MECR: variants seen among roughly 807,000 people sequenced by gnomAD.
MECR encodes the protein mitochondrial trans-2-enoyl-CoA reductase.
A neutral mutation model predicts 49.1 loss-of-function variants in MECR; 37 were observed. The observed-to-expected ratio is 0.75, with a 90% CI of 0.58 to 0.99. The LOEUF (loss-of-function observed/expected upper bound fraction) is 0.99, where lower values mean the gene tolerates loss of function less well. Ranked by LOEUF, MECR falls within the 50% of genes least tolerant of loss-of-function variation. The pLI is 0.00. For missense variants in MECR, 470 were observed against 479.6 expected (o/e 0.98, Z 0.19); for synonymous variants, 198 against 191.1 (o/e 1.04, Z -0.30).
At chr1:29,178,487 G>A in the MECR span, among the ~76,000 whole-genome samples, 2 of 151,856 alleles carry the variant, frequency 1.3e-5, no homozygotes, top group Admixed American at 6.6e-5. Context: ...GGGACTACAG[G>A]TGCCTGCCAC....
rs908609601 is a variant in MECR, at chr1:29,193,456, A to G, written c.*566T>C. The stretch of plus-strand genomic sequence containing the variant: ...TGTCTATGTCTCCAGTTAGAAGGGC[A>G]GTTCCATGAGAGTGAAGACCCCACG... On this transcript the variant is annotated 3_prime_UTR_variant, in exon 10 of 10. Transcript: ENST00000263702. The G allele has an allele frequency of 1.2e-5, 2 of 164,820 alleles. No individual in the cohort carries two copies. The highest frequency in any genetic ancestry group is 4.8e-5 in the African/African-American group (2 of 41,524). The allele number at this position is 164,820 out of a possible 1,614,324, so 10.2% of individuals were successfully genotyped here.
chr1:29,194,649 C>G (rs1159623789), intron 9 of MECR, among the ~76,000 whole-genome samples: 1 of 152,182 alleles, frequency 6.6e-6, no homozygotes, highest in Non-Finnish European at 1.5e-5. Flanking sequence ...CCCTTAGAAC[C>G]CCACGACCGG....
the MECR span, among the ~76,000 whole-genome samples, chr1:29,178,989 T>C: frequency 1.3e-5 from 2 of 152,168 alleles, no homozygotes; most frequent in African/African-American, 4.8e-5. Context: ...TGACTTTCAA[T>C]GACATTTCAT....
the MECR span, chr1:29,171,491 C>G: frequency 6.6e-6 from 1 of 151,144 alleles, no homozygotes; most frequent in South Asian, 2.1e-4. Context: ...CACCTTATCA[C>G]CCCATGCCTC....
chr1:29,230,281 AAAT>A (rs571429793), intron 1 of MECR: 13 of 169,776 alleles, frequency 7.7e-5, no homozygotes, highest in Middle Eastern at 2.9e-3. Flanking sequence ...AACTTCTTCC[AAAT>A]AATAATAATA....
the MECR span, among the ~76,000 whole-genome samples, chr1:29,179,096 G>A: frequency 6.6e-6 from 1 of 151,734 alleles, no homozygotes; most frequent in Admixed American, 6.6e-5. Context: ...TCCTCTTATC[G>A]CTCCATCTTC....
chr1:29,176,766 C>T, the MECR span, among the ~76,000 whole-genome samples: 2 of 151,958 alleles, frequency 1.3e-5, no homozygotes, highest in Non-Finnish European at 1.5e-5. Context: ...TAAACAAGGG[C>T]GAAAACAAAA....
chr1:29,186,048 G>A, the MECR span, among the ~76,000 whole-genome samples: 1 of 152,146 alleles, frequency 6.6e-6, no homozygotes, highest in Non-Finnish European at 1.5e-5. Context: ...CACTAAGCTT[G>A]GTTGTTATAT....
At chr1:29,186,926 T>C in the MECR span, among the ~76,000 whole-genome samples, 117 of 152,336 alleles carry the variant, frequency 7.7e-4, 1 homozygote, top group South Asian at 2.5e-3. Flanking sequence ...CTCAATGACA[T>C]AGGAAATTTC....
the MECR span, among the ~76,000 whole-genome samples, chr1:29,183,953 C>T: frequency 6.7e-6 from 1 of 150,140 alleles, no homozygotes; most frequent in East Asian, 2.0e-4. Flanking sequence ...GATCTCAGCT[C>T]ACTGCAACCT....
chr1:29,194,500 A>G (rs1038204302), intron 9 of MECR, among the ~76,000 whole-genome samples: 1 of 152,166 alleles, frequency 6.6e-6, no homozygotes, highest in Non-Finnish European at 1.5e-5. Flanking sequence ...GGAGCACTGA[A>G]TGGTGGGAGG....
the MECR span, chr1:29,168,801 T>C: frequency 6.6e-6 from 1 of 152,172 alleles, no homozygotes; most frequent in East Asian, 1.9e-4. Flanking sequence ...TGAATGAATA[T>C]TGGCAATATT....
At chr1:29,176,198 G>A in the MECR span, among the ~76,000 whole-genome samples, 1 of 152,138 alleles carries the variant, frequency 6.6e-6, no homozygotes, top group Non-Finnish European at 1.5e-5. Flanking sequence ...GTTGCAGTGA[G>A]CTGAGATTGT....
At chr1:29,204,133 C>A (rs994008613) in intron 4 of MECR, among the ~76,000 whole-genome samples, 1 of 152,024 alleles carries the variant, frequency 6.6e-6, no homozygotes, top group African/African-American at 2.4e-5. Context: ...GCAGGAGAAT[C>A]GCTTGAACCC....
chr1:29,205,094 C>A (rs568330377), intron 4 of MECR, among the ~76,000 whole-genome samples: 1 of 152,328 alleles, frequency 6.6e-6, no homozygotes, highest in East Asian at 1.9e-4. Context: ...GAGGTTAATG[C>A]CCTTAGGGCG....
the MECR span, among the ~76,000 whole-genome samples, chr1:29,182,800 T>A: frequency 6.6e-6 from 1 of 152,206 alleles, no homozygotes; most frequent in African/African-American, 2.4e-5. Flanking sequence ...CGCCTTGGCC[T>A]CCCAAAGTGC....
chr1:29,217,025 T>C (rs1679580229), intron 1 of MECR, among the ~76,000 whole-genome samples: 1 of 146,218 alleles, frequency 6.8e-6, no homozygotes, highest in Non-Finnish European at 1.5e-5. Flanking sequence ...TCCCAGCTAC[T>C]CGGGTGGCTG....
the MECR span, among the ~76,000 whole-genome samples, chr1:29,181,224 G>A: frequency 6.6e-6 from 1 of 152,228 alleles, no homozygotes; most frequent in South Asian, 2.1e-4. Flanking sequence ...GACCGGGCAA[G>A]AGGTGAAAGG....
At chr1:29,210,074 G>A (rs1293108400) in intron 3 of MECR, among the ~76,000 whole-genome samples, 4 of 150,474 alleles carry the variant, frequency 2.7e-5, no homozygotes, top group South Asian at 4.2e-4. Flanking sequence ...GCAGTGGCAC[G>A]ATCTCAGCTC....
Sources: gnomAD v4.1 joint callset for allele counts (sites outside exome capture counted in the v4.1 genomes callset) on GRCh38, gnomAD v4.1.1 for gene constraint, MANE v1.5 for transcripts, NCBI Gene and HGNC (gene_info 2026-07-23, HGNC 2026-07-21) for gene names.